PDE10A: variants seen among roughly 807,000 people sequenced by gnomAD.
The protein encoded by PDE10A is phosphodiesterase 10A, also known as cAMP and cAMP-inhibited cGMP 3',5'-cyclic phosphodiesterase 10A.
In PDE10A, 39 loss-of-function variants were observed where a neutral mutation model predicts 97.7. The ratio of observed to expected loss-of-function variants is 0.40; its 90% CI spans 0.31 to 0.52. The LOEUF is 0.52. PDE10A is among the 20% of genes least tolerant of loss of function. PDE10A has a pLI of 0.56. For synonymous variants in PDE10A, 371 were observed against 376.8 expected, an observed-to-expected ratio of 0.98 and a Z score of 0.18; for missense variants, 731 against 1,047.8, an observed-to-expected ratio of 0.70 and a Z score of 4.17.
Position 165,535,602 on chromosome 6 carries a change from C to CGT in PDE10A, c.994+7836_994+7837dup, listed in dbSNP as rs140536079. Among the ~76,000 whole-genome samples, 226 of 148,914 alleles carry CGT rather than the reference C, an allele frequency of 1.5e-3. 2 individuals carry two copies. Among genetic ancestry groups the CGT allele is most frequent in the African/African-American group, 3.5e-3 (144 of 40,880 alleles). ...GTATTCTATGGGGTGTGTGTGTGCG[C>CGT]GTGTGTGTGTGTGTGTGTACACACA... is the stretch of plus-strand genomic sequence containing the variant. On this transcript the variant is annotated intron_variant, in intron 2 of 21. Transcript: ENST00000539869.
At chr6:165,386,269 C>T (rs1426826323) in intron 17 of PDE10A, among the ~76,000 whole-genome samples, 1 of 152,190 alleles carries the variant, frequency 6.6e-6, no homozygotes, top group Non-Finnish European at 1.5e-5. Context: ...TCCCCACCTG[C>T]CTTGATGTGA....
chr6:165,915,400 T>C (rs1184715188), intron 1 of PDE10A, among the ~76,000 whole-genome samples: 1 of 152,242 alleles, frequency 6.6e-6, no homozygotes, highest in African/African-American at 2.4e-5. Context: ...TGCACACGAA[T>C]GCTACAATGA....
intron 1 of PDE10A, among the ~76,000 whole-genome samples, chr6:165,853,122 G>A (rs1034689680): frequency 8.5e-5 from 13 of 152,174 alleles, no homozygotes; most frequent in East Asian, 1.9e-4. Flanking sequence ...CGGAGTCTGC[G>A]TTTATCAACT....
rs566136676 is a variant in PDE10A, at chr6:165,361,856, T to C, written c.2783+17338A>G. Among the ~76,000 whole-genome samples, 8 of 152,308 alleles carry C rather than the reference T, an allele frequency of 5.3e-5. No homozygotes were observed. The South Asian group carries it at 1.7e-3, about 32-fold the overall frequency. On this transcript the variant is annotated intron_variant, in intron 18 of 21. Coordinates refer to ENST00000539869, the MANE Select transcript of PDE10A (RefSeq NM_001385079.1). ...TTCAGACTTCTGGCCTTAAGAATTG[T>C]GAGAAAATAAATTTCTATTGTTTTA...
intron 1 of PDE10A, among the ~76,000 whole-genome samples, chr6:165,873,749 T>TA (rs1459819848): frequency 1.3e-5 from 2 of 152,282 alleles, no homozygotes; most frequent in East Asian, 1.9e-4. Context: ...TTAATTTGAA[T>TA]AAAAAAATAA....
At chr6:165,769,436 A>G (rs1420058103) in intron 1 of PDE10A, among the ~76,000 whole-genome samples, 1 of 152,146 alleles carries the variant, frequency 6.6e-6, no homozygotes, top group Non-Finnish European at 1.5e-5. Context: ...AAAATAGTGA[A>G]AAGTTGGGGT....
chr6:165,848,258 C>CCA (rs1780476072), intron 1 of PDE10A, among the ~76,000 whole-genome samples: 1 of 152,124 alleles, frequency 6.6e-6, no homozygotes, highest in Non-Finnish European at 1.5e-5. Context: ...ACCAGGATGG[C>CCA]GAGCAACATG....
Position 165,328,666 on chromosome 6 carries a change from CG to C in PDE10A, c.*4358del, listed in dbSNP as rs1216186218. On this transcript the variant is annotated 3_prime_UTR_variant, in exon 22 of 22. Coordinates refer to ENST00000539869, the MANE Select transcript of PDE10A (RefSeq NM_001385079.1). ...TCAAGTGAGGACAGCATTGCTTCTT[CG>C]GATGTTAAATGTGTTTCTTAGGTAA... 6.6e-6 allele frequency: 1 copy of C among 152,192 alleles called. No individual in the cohort carries two copies. The highest frequency in any genetic ancestry group is 2.4e-5 in the African/African-American group (1 of 41,438). 9.4% of individuals were successfully genotyped at this position (152,192 alleles called of 1,614,324 possible).
chr6:165,670,375 C>T (rs772386796), intron 1 of PDE10A, among the ~76,000 whole-genome samples: 1 of 152,198 alleles, frequency 6.6e-6, no homozygotes, highest in African/African-American at 2.4e-5. Flanking sequence ...ACAATTATAT[C>T]ATAGTTACCA....
intron 1 of PDE10A, among the ~76,000 whole-genome samples, chr6:165,621,713 G>A (rs2983502): frequency 0.09 from 13,593 of 150,860 alleles, 638 homozygotes; most frequent in Middle Eastern, 0.13. Context: ...CCGAGATTGC[G>A]CCACTGAACT....
intron 1 of PDE10A, among the ~76,000 whole-genome samples, chr6:165,544,442 GC>G (rs1200025824): frequency 1.3e-5 from 2 of 152,172 alleles, no homozygotes; most frequent in East Asian, 3.9e-4. Flanking sequence ...GTGTTGGTAT[GC>G]CATTTCATTA....
intron 2 of PDE10A, among the ~76,000 whole-genome samples, chr6:165,493,427 C>G (rs969400415): frequency 1.3e-5 from 2 of 152,140 alleles, no homozygotes; most frequent in Non-Finnish European, 2.9e-5. Flanking sequence ...CATTATCCAA[C>G]TTCAAACTAT....
intron 2 of PDE10A, among the ~76,000 whole-genome samples, chr6:165,488,471 G>A (rs1780044397): frequency 6.6e-6 from 1 of 152,176 alleles, no homozygotes; most frequent in South Asian, 2.1e-4. Flanking sequence ...GAAAATGGTG[G>A]ATAGGAGGCA....
chr6:165,395,141 A>C (rs491522), intron 15 of PDE10A, 40 bp downstream of exon 15: 190,536 of 1,272,150 alleles, frequency 0.15, 16,531 homozygotes, highest in African/African-American at 0.33. Context: ...AGGTTATGTC[A>C]CCCAATATTT....
Position 165,388,230 on chromosome 6 carries a change from C to T in PDE10A, c.2610+68G>A. 2 of 1,444,972 alleles carry T rather than the reference C, an allele frequency of 1.4e-6. No homozygotes were observed. Among genetic ancestry groups the T allele is most frequent in the South Asian group, 1.2e-5 (1 of 85,792 alleles). 89.5% of individuals were successfully genotyped at this position (1,444,972 alleles called of 1,614,324 possible). A position where few individuals can be genotyped will look rare whatever the true frequency, so the allele number is the denominator to read the frequency against. On this transcript the variant is annotated intron_variant, in intron 17 of 21. Coordinates refer to ENST00000539869, the MANE Select transcript of PDE10A (RefSeq NM_001385079.1). The surrounding 1 kb of genome is among the most constrained non-coding windows in gnomAD (Gnocchi z 4.0). ...AAGCCATAATGATCTTCCTTTTCCA[C>T]CTATGAAGTATCCCTATCTCCCAGA...
intron 1 of PDE10A, among the ~76,000 whole-genome samples, chr6:165,944,496 C>T (rs543753): frequency 2.0e-5 from 3 of 151,974 alleles, no homozygotes; most frequent in Admixed American, 6.6e-5. Flanking sequence ...ATCTTTTCAA[C>T]GTGACGTCTT....
intron 2 of PDE10A, among the ~76,000 whole-genome samples, chr6:165,485,038 C>T (rs1228370527): frequency 6.6e-6 from 1 of 152,176 alleles, no homozygotes; most frequent in Non-Finnish European, 1.5e-5. Context: ...AATAACAAGT[C>T]CTACTTAAAT....
chr6:165,649,302 G>A (rs1307303409), intron 1 of PDE10A, among the ~76,000 whole-genome samples: 3 of 152,180 alleles, frequency 2.0e-5, no homozygotes, highest in Non-Finnish European at 4.4e-5. Flanking sequence ...AAAGAAAGCT[G>A]TCACCACTAG....
chr6:165,762,488 T>TA (rs528042240), intron 1 of PDE10A, among the ~76,000 whole-genome samples: 5,582 of 142,498 alleles, frequency 0.039, 257 homozygotes, highest in African/African-American at 0.12. Flanking sequence ...TCAGGAATAT[T>TA]AAAAAAAAAA....
Sources: allele counts gnomAD v4.1 joint callset (sites outside exome capture counted in the v4.1 genomes callset), GRCh38; gene constraint gnomAD v4.1.1; non-coding constraint Gnocchi (gnomAD v3.1); transcripts MANE v1.5; gene names NCBI Gene and HGNC (gene_info 2026-07-23, HGNC 2026-07-21).